Variants in PLXDC2 observed in about 807,000 individuals in gnomAD.
PLXDC2 encodes plexin domain containing 2, also known as plexin domain-containing protein 2.
In PLXDC2, 40 loss-of-function variants were observed where a neutral mutation model predicts 68.9. That is an observed-to-expected ratio of 0.58 (90% CI 0.45 to 0.76). The LOEUF is 0.76. PLXDC2 is among the 30% of genes least tolerant of loss of function. The pLI, the probability that PLXDC2 is intolerant of heterozygous loss-of-function variation, is 0.00. For synonymous variants in PLXDC2, 243 were observed against 234.2 expected, an observed-to-expected ratio of 1.04 and a Z score of -0.34; for missense variants, 644 against 661.9, an observed-to-expected ratio of 0.97 and a Z score of 0.30.
At chr10:20,053,545 T>A (rs946707730) in intron 3 of PLXDC2, among the ~76,000 whole-genome samples, 4 of 152,164 alleles carry the variant, frequency 2.6e-5, no homozygotes, top group African/African-American at 9.6e-5. Context: ...CTTGTTCTTT[T>A]CCCTCTTGGT....
intron 4 of PLXDC2, among the ~76,000 whole-genome samples, chr10:20,077,438 A>G (rs1235543329): frequency 6.6e-6 from 1 of 152,222 alleles, no homozygotes; most frequent in African/African-American, 2.4e-5. Flanking sequence ...GAACTGAGAC[A>G]TAGTCATAAA....
chr10:20,061,869 A>G (rs957409404), intron 3 of PLXDC2, among the ~76,000 whole-genome samples: 2 of 152,246 alleles, frequency 1.3e-5, no homozygotes, highest in East Asian at 1.9e-4. Context: ...TAAGTCTTTA[A>G]GAGCTGTGAT....
intron 4 of PLXDC2, among the ~76,000 whole-genome samples, chr10:20,126,508 T>G (rs201164876): frequency 0.073 from 376 of 5,128 alleles, 41 homozygotes; most frequent in African/African-American, 0.1. Flanking sequence ...TATGTATATA[T>G]AACACACACG....
At chr10:19,981,103 A>G (rs151079516) in intron 1 of PLXDC2, among the ~76,000 whole-genome samples, 3 of 152,282 alleles carry the variant, frequency 2.0e-5, no homozygotes, top group African/African-American at 7.2e-5. Context: ...CATTTGCTGA[A>G]CCATTATTAA....
rs140486070 is a variant in PLXDC2 at position 19,920,433 on chromosome 10, G to A, written c.113-81342G>A. Among the ~76,000 whole-genome samples the A allele has an allele frequency of 2.1e-3, 315 of 152,350 alleles. 1 individual carries two copies. The highest frequency in any genetic ancestry group is 3.5e-3 in the Non-Finnish European group (240 of 68,028). The stretch of plus-strand genomic sequence containing the variant: ...CACAAAGATGGCTGGACATCCAGAG[G>A]AGCATGTGTTCCTCCACTGAGGATG... On this transcript the variant is annotated intron_variant, in intron 1 of 13. Transcript: ENST00000377252.
intron 4 of PLXDC2, among the ~76,000 whole-genome samples, chr10:20,130,616 C>G (rs1833854370): frequency 1.3e-5 from 2 of 151,982 alleles, no homozygotes; most frequent in Admixed American, 1.3e-4. Flanking sequence ...GAGTGTGATA[C>G]TATATGTGGA....
intron 1 of PLXDC2, among the ~76,000 whole-genome samples, chr10:19,856,328 T>C (rs1161830287): frequency 1.3e-5 from 2 of 151,656 alleles, no homozygotes; most frequent in Non-Finnish European, 2.9e-5. Context: ...TGATTTTTAT[T>C]AAAGATAACT....
Position 19,938,646 on chromosome 10 carries a change from C to G in PLXDC2, c.113-63129C>G, listed in dbSNP as rs1035550646. Among the ~76,000 whole-genome samples the G allele has an allele frequency of 2.0e-5, 3 of 152,134 alleles. No individual in the cohort carries two copies. In the East Asian group the frequency reaches 5.8e-4, roughly 29 times the overall value. On this transcript the variant is annotated intron_variant, in intron 1 of 13. Transcript: ENST00000377252. Reference sequence around the variant, plus strand: ...GGTCCTACCTCCAATGTGGGTATTACAATTTGACTTGAGATTTGGGCAGAG... The same window carrying G: ...GGTCCTACCTCCAATGTGGGTATTAGAATTTGACTTGAGATTTGGGCAGAG...
intron 9 of PLXDC2, among the ~76,000 whole-genome samples, chr10:20,209,322 G>A (rs1383738464): frequency 1.4e-5 from 2 of 145,388 alleles, no homozygotes; most frequent in African/African-American, 4.9e-5. Flanking sequence ...GATGTTCCTT[G>A]CTGAGGAAAA....
chr10:20,130,132 A>C lies in PLXDC2; in HGVS notation c.542-13163A>C, dbSNP rs146349037. On this transcript the variant is annotated intron_variant, in intron 4 of 13. Coordinates refer to ENST00000377252, the MANE Select transcript of PLXDC2 (RefSeq NM_032812.9). ...GAAAGTTTAATATTTTTAATTTTCA[A>C]TTCTTCTCATCTATGATCACAGGAT... is the stretch of plus-strand genomic sequence containing the variant. 1.1e-4 allele frequency among the ~76,000 whole-genome samples: 16 copies of C among 152,078 alleles called. No homozygotes were observed. The East Asian group carries it at 3.1e-3, about 29-fold the overall frequency.
chr10:20,119,702 G>A (rs1283715217), intron 4 of PLXDC2, among the ~76,000 whole-genome samples: 2 of 152,016 alleles, frequency 1.3e-5, no homozygotes, highest in African/African-American at 2.4e-5. Context: ...GATAATGGGC[G>A]ATGTTTCTCA....
intron 4 of PLXDC2, among the ~76,000 whole-genome samples, chr10:20,100,699 G>A (rs1486580222): frequency 6.6e-6 from 1 of 152,150 alleles, no homozygotes; most frequent in Non-Finnish European, 1.5e-5. Context: ...GGGGAAGAGA[G>A]TCTTTTGGTT....
At chr10:20,099,718 G>A (rs1458251629) in intron 4 of PLXDC2, among the ~76,000 whole-genome samples, 3 of 152,166 alleles carry the variant, frequency 2.0e-5, no homozygotes, top group African/African-American at 7.2e-5. Context: ...TGCTAGAAAG[G>A]TTCTGGGAGG....
At chr10:20,203,780 G>T (rs956821812) in intron 9 of PLXDC2, among the ~76,000 whole-genome samples, 1 of 152,172 alleles carries the variant, frequency 6.6e-6, no homozygotes, top group African/African-American at 2.4e-5. Flanking sequence ...AAGATGCCAC[G>T]TGTACGGATG....
intron 1 of PLXDC2, among the ~76,000 whole-genome samples, chr10:19,869,944 C>G (rs955198764): frequency 6.6e-6 from 1 of 152,090 alleles, no homozygotes; most frequent in Non-Finnish European, 1.5e-5. Flanking sequence ...TCATTATGAG[C>G]TTATCCTTTG....
intron 1 of PLXDC2, among the ~76,000 whole-genome samples, chr10:19,942,363 C>T (rs1187434850): frequency 1.3e-5 from 2 of 152,158 alleles, no homozygotes; most frequent in African/African-American, 4.8e-5. Context: ...ATTTTAAGTA[C>T]ACTATCTTAT....
At chr10:19,987,097 G>A (rs113447171) in intron 1 of PLXDC2, among the ~76,000 whole-genome samples, 72 of 152,276 alleles carry the variant, frequency 4.7e-4, no homozygotes, top group African/African-American at 1.7e-3. Flanking sequence ...ATGGAGCAAA[G>A]CCATTACCCA....
chr10:19,919,325 AAAAACCTTATTAAAAAAG>A (rs1174341039), intron 1 of PLXDC2, among the ~76,000 whole-genome samples: 130 of 152,354 alleles, frequency 8.5e-4, no homozygotes, highest in Middle Eastern at 3.4e-3. Context: ...TGGTTTGCAC[AAAAACCTTATTAAAAAAG>A]GACATTATCT....
intron 4 of PLXDC2, among the ~76,000 whole-genome samples, chr10:20,102,441 A>G (rs937240215): frequency 6.6e-6 from 1 of 152,328 alleles, no homozygotes; most frequent in Non-Finnish European, 1.5e-5. Context: ...TATTCCTACT[A>G]TCCCTTAGTC....
Sources: allele counts gnomAD v4.1 joint callset (sites outside exome capture counted in the v4.1 genomes callset), GRCh38; gene constraint gnomAD v4.1.1; transcripts MANE v1.5; gene names NCBI Gene and HGNC (gene_info 2026-07-23, HGNC 2026-07-21).